The following DYNLT5 variants were observed in gnomAD, a reference collection of about 807,000 sequenced individuals.
The protein encoded by DYNLT5 is dynein light chain Tctex-type family member 5, also known as dynein light chain Tctex-type 5.
DYNLT5 carries 25 observed loss-of-function variants against 19.3 expected under a neutral mutation model. The ratio of observed to expected loss-of-function variants is 1.30; its 90% CI spans 0.95 to 1.81. The LOEUF is 1.81. Among genes scored for constraint, DYNLT5 ranks in the 40% most tolerant of loss-of-function variants. The pLI is 0.00. For synonymous variants in DYNLT5, 82 were observed against 68.9 expected (o/e 1.19, Z -0.94); for missense variants, 232 against 217.9 (o/e 1.06, Z -0.41).
At chr1:66,770,183 G>A (rs1645195791) in intron 2 of DYNLT5, among the ~76,000 whole-genome samples, 1 of 152,160 alleles carries the variant, frequency 6.6e-6, no homozygotes, top group South Asian at 2.1e-4. Context: ...ATTGAGACCT[G>A]CTCCAAATAA....
At chr1:66,754,831 T>A (rs575696804) in intron 2 of DYNLT5, 54 bp downstream of exon 2, 7 of 1,547,442 alleles carry the variant, frequency 4.5e-6, no homozygotes, top group Middle Eastern at 1.7e-4. Context: ...AGGTTCGTAA[T>A]GTTTATTAGG....
intron 2 of DYNLT5, among the ~76,000 whole-genome samples, chr1:66,766,028 A>G (rs1469412866): frequency 6.6e-6 from 1 of 152,154 alleles, no homozygotes; most frequent in Non-Finnish European, 1.5e-5. Context: ...CATCTGCAAT[A>G]ATATTAGTTA....
At chr1:66,765,424 G>A (rs1444112391) in intron 2 of DYNLT5, among the ~76,000 whole-genome samples, 1 of 152,030 alleles carries the variant, frequency 6.6e-6, no homozygotes, top group Non-Finnish European at 1.5e-5. Context: ...GAAAACGTAT[G>A]GAAATGAGTT....
At chr1:66,772,910 T>C (rs1324037624) in intron 3 of DYNLT5, among the ~76,000 whole-genome samples, 1 of 152,226 alleles carries the variant, frequency 6.6e-6, no homozygotes, top group Non-Finnish European at 1.5e-5. Context: ...ATTTTGCTAA[T>C]TCCTTGAGCA....
intron 3 of DYNLT5, among the ~76,000 whole-genome samples, chr1:66,772,387 C>T (rs1645209078): frequency 1.3e-5 from 2 of 152,182 alleles, no homozygotes; most frequent in Admixed American, 1.3e-4. Flanking sequence ...AGAGGAAGAA[C>T]TATAGAGCAA....
intron 2 of DYNLT5, among the ~76,000 whole-genome samples, chr1:66,764,608 G>A (rs2094651459): frequency 6.6e-6 from 1 of 152,184 alleles, no homozygotes; most frequent in Non-Finnish European, 1.5e-5. Flanking sequence ...CATAACAGAT[G>A]TAATATGAAA....
At chr1:66,768,173 A>G (rs1645178957) in intron 2 of DYNLT5, among the ~76,000 whole-genome samples, 1 of 152,230 alleles carries the variant, frequency 6.6e-6, no homozygotes, top group African/African-American at 2.4e-5. Flanking sequence ...CTGTCTTGAT[A>G]TTTAAAGTAT....
chr1:66,759,958 CACACT>C (rs1466576591), intron 2 of DYNLT5, among the ~76,000 whole-genome samples: 1 of 152,144 alleles, frequency 6.6e-6, no homozygotes, highest in Admixed American at 6.5e-5. Context: ...TTTTCTCAAA[CACACT>C]AGCAGCCTCC....
chr1:66,762,545 T>A (rs1407926715), intron 2 of DYNLT5, among the ~76,000 whole-genome samples: 1 of 152,202 alleles, frequency 6.6e-6, no homozygotes, highest in African/African-American at 2.4e-5. Context: ...AAAACTCCTG[T>A]TAATGTTGAC....
intron 2 of DYNLT5, among the ~76,000 whole-genome samples, chr1:66,767,958 T>C (rs559399312): frequency 8.0e-4 from 122 of 152,352 alleles, no homozygotes; most frequent in African/African-American, 2.6e-3. Flanking sequence ...ACTGAGAATT[T>C]GTCTTTAGTC....
intron 4 of DYNLT5, among the ~76,000 whole-genome samples, chr1:66,776,993 C>A (rs936216347): frequency 4.6e-5 from 7 of 152,088 alleles, no homozygotes; most frequent in Admixed American, 6.6e-5. Context: ...TTATTAAATT[C>A]TGTGTTCTGG....
chr1:66,776,533 C>G, intron 4 of DYNLT5, 130 bp downstream of exon 4: 1 of 1,067,086 alleles, frequency 9.4e-7, no homozygotes, highest in Non-Finnish European at 1.3e-6. Context: ...ATAATTAGGT[C>G]ATATTCTACA....
intron 2 of DYNLT5, among the ~76,000 whole-genome samples, chr1:66,766,090 T>A (rs1415822580): frequency 2.0e-5 from 3 of 152,258 alleles, no homozygotes; most frequent in Admixed American, 6.5e-5. Flanking sequence ...TTTTATTACA[T>A]TACTTTTCAT....
intron 3 of DYNLT5, chr1:66,775,359 C>T (rs773033709): frequency 1.3e-5 from 2 of 152,140 alleles, no homozygotes; most frequent in Non-Finnish European, 2.9e-5. Context: ...AAGTGCTTAT[C>T]GCACTGCCTG....
intron 2 of DYNLT5, among the ~76,000 whole-genome samples, chr1:66,759,249 C>T (rs577068315): frequency 6.6e-6 from 1 of 152,220 alleles, no homozygotes; most frequent in South Asian, 2.1e-4. Context: ...TGGCCTCCTA[C>T]CTTATATGCT....
Position 66,777,309 on chromosome 1 carries a change from T to A in DYNLT5, c.395T>A (p.Val132Asp), listed in dbSNP as rs771082215. Residue 132 changes from valine to aspartate, a missense_variant, in exon 5 of 5, where the codon GTT (valine) becomes GAT (aspartate). Transcript: ENST00000282670. ...MIPRYKLIVI[V>D]HIGQLNRQSI... is the part of the protein sequence containing the mutation. ...CCACGGTATAAACTAATTGTGATTGTTCACATTGGACAACTGAACAGGCAG... is the reference window on the plus strand; with the variant it reads ...CCACGGTATAAACTAATTGTGATTGATCACATTGGACAACTGAACAGGCAG... The A allele has an allele frequency of 2.5e-6, 4 of 1,613,864 alleles. No homozygotes were observed. In the African/African-American group the frequency reaches 5.3e-5, roughly 22 times the overall value.
chr1:66,773,958 G>C (rs951405935), intron 3 of DYNLT5, among the ~76,000 whole-genome samples: 1 of 152,100 alleles, frequency 6.6e-6, no homozygotes, highest in Non-Finnish European at 1.5e-5. Context: ...GGATGTTTAG[G>C]GGAAAGGTAA....
chr1:66,776,224 G>C (rs1645233523), intron 3 of DYNLT5, 55 bp from the exon 4 acceptor site: 1 of 1,589,076 alleles, frequency 6.3e-7, no homozygotes, highest in Admixed American at 1.7e-5. Context: ...CCTATGGGGT[G>C]GGTGGGTGTG....
chr1:66,768,150 T>C (rs929575745), intron 2 of DYNLT5, among the ~76,000 whole-genome samples: 5 of 152,234 alleles, frequency 3.3e-5, no homozygotes, highest in Non-Finnish European at 5.9e-5. Context: ...CCAGAATGTG[T>C]ATGTATTAAG....
Sources: allele counts gnomAD v4.1 joint callset (sites outside exome capture counted in the v4.1 genomes callset), GRCh38; gene constraint gnomAD v4.1.1; transcripts MANE v1.5; gene names NCBI Gene and HGNC (gene_info 2026-07-23, HGNC 2026-07-21).